ATG10: variants seen among roughly 807,000 people sequenced by gnomAD.
ATG10 encodes ubiquitin-like-conjugating enzyme ATG10.
A neutral mutation model predicts 32.1 loss-of-function variants in ATG10; 30 were observed. That is an observed-to-expected ratio of 0.94 (90% CI 0.70 to 1.27). The LOEUF is 1.27. Ranked by LOEUF, ATG10 falls within the 50% of genes most tolerant of loss-of-function variation. The pLI, the probability that ATG10 is intolerant of heterozygous loss-of-function variation, is 0.00. For synonymous variants in ATG10, 87 were observed against 91.5 expected (o/e 0.95, Z 0.28); for missense variants, 233 against 262.3 (o/e 0.89, Z 0.77).
At chr5:82,210,987 T>C (rs945860943) in intron 5 of ATG10, among the ~76,000 whole-genome samples, 1 of 152,218 alleles carries the variant, frequency 6.6e-6, no homozygotes, top group Non-Finnish European at 1.5e-5. Context: ...TCCATGTAAT[T>C]TGAAATTCTA....
intron 5 of ATG10, among the ~76,000 whole-genome samples, chr5:82,247,122 G>GT (rs1747069757): frequency 6.6e-6 from 1 of 152,006 alleles, no homozygotes; most frequent in African/African-American, 2.4e-5. Context: ...CTAGGTGTGG[G>GT]TTTTTTTATA....
intron 2 of ATG10, among the ~76,000 whole-genome samples, chr5:82,007,851 A>G (rs1431771483): frequency 2.0e-5 from 3 of 152,144 alleles, no homozygotes; most frequent in African/African-American, 7.2e-5. Flanking sequence ...ATTTGTTGGA[A>G]ATAATTATTT....
At chr5:82,099,122 A>G (rs1765172999) in intron 3 of ATG10, among the ~76,000 whole-genome samples, 2 of 152,180 alleles carry the variant, frequency 1.3e-5, no homozygotes, top group African/African-American at 2.4e-5. Flanking sequence ...TTCTCAGATT[A>G]TTCATTGTAA....
intron 5 of ATG10, among the ~76,000 whole-genome samples, chr5:82,179,256 G>A (rs1170828433): frequency 6.6e-6 from 1 of 152,092 alleles, no homozygotes; most frequent in Non-Finnish European, 1.5e-5. Flanking sequence ...TCTGTACTGT[G>A]AGCTCTCATA....
At chr5:82,212,374 C>G (rs1745527890) in intron 5 of ATG10, among the ~76,000 whole-genome samples, 1 of 152,210 alleles carries the variant, frequency 6.6e-6, no homozygotes, top group African/African-American at 2.4e-5. Context: ...TTCTCTCTTG[C>G]ATCATTATGT....
At chr5:82,143,163 C>T (rs566771430) in intron 3 of ATG10, among the ~76,000 whole-genome samples, 18 of 152,244 alleles carry the variant, frequency 1.2e-4, no homozygotes, top group East Asian at 9.6e-4. Flanking sequence ...TGGGAACAAG[C>T]GAGGCCACCT....
intron 5 of ATG10, among the ~76,000 whole-genome samples, chr5:82,237,177 CAAACTTCTCAGTCTT>C (rs1010427336): frequency 6.6e-6 from 1 of 152,088 alleles, no homozygotes; most frequent in African/African-American, 2.4e-5. Context: ...CCAAACTTAC[CAAACTTCTCAGTCTT>C]ACCTAAAAGA....
intron 3 of ATG10, chr5:82,073,752 C>G (rs569750428): frequency 1.3e-5 from 2 of 152,316 alleles, no homozygotes; most frequent in Admixed American, 6.5e-5. Flanking sequence ...ACATCTTTCT[C>G]AACTACAGAC....
At chr5:82,024,208 G>C (rs921612903) in intron 2 of ATG10, among the ~76,000 whole-genome samples, 1 of 152,202 alleles carries the variant, frequency 6.6e-6, no homozygotes, top group Non-Finnish European at 1.5e-5. Flanking sequence ...TGTATCCCAA[G>C]TGGCTCTTTC....
intron 4 of ATG10, among the ~76,000 whole-genome samples, chr5:82,177,142 G>A (rs1232937707): frequency 6.6e-6 from 1 of 152,158 alleles, no homozygotes; most frequent in Non-Finnish European, 1.5e-5. Context: ...CTCTTATTGT[G>A]TGCCTAACAC....
chr5:82,078,229 T>C (rs1248561458), intron 3 of ATG10, among the ~76,000 whole-genome samples: 1 of 152,208 alleles, frequency 6.6e-6, no homozygotes, highest in Non-Finnish European at 1.5e-5. Context: ...TAAAGGCTTT[T>C]AGTACACATT....
chr5:82,036,947 A>G (rs1267550460), intron 2 of ATG10, among the ~76,000 whole-genome samples: 6 of 151,562 alleles, frequency 4.0e-5, no homozygotes, highest in Admixed American at 3.9e-4. Context: ...CCTGGCCAAC[A>G]TGGTGAAACC....
intron 3 of ATG10, among the ~76,000 whole-genome samples, chr5:82,130,034 GC>G (rs1766457675): frequency 6.6e-6 from 1 of 152,160 alleles, no homozygotes; most frequent in Non-Finnish European, 1.5e-5. Context: ...TTTCAGAGAT[GC>G]CCTGCCTAGA....
intron 3 of ATG10, among the ~76,000 whole-genome samples, chr5:82,075,444 T>A (rs1051831668): frequency 3.3e-5 from 5 of 152,174 alleles, no homozygotes; most frequent in Non-Finnish European, 7.3e-5. Context: ...AATTATTTAG[T>A]TTGTATTTAG....
chr5:82,109,511 A>G (rs1290101047), intron 3 of ATG10, among the ~76,000 whole-genome samples: 6 of 151,972 alleles, frequency 3.9e-5, no homozygotes, highest in Non-Finnish European at 7.4e-5. Context: ...CTTATTTTTT[A>G]GTTTCCAAAA....
At chr5:82,194,409 C>T (rs192141642) in intron 5 of ATG10, among the ~76,000 whole-genome samples, 1 of 152,148 alleles carries the variant, frequency 6.6e-6, no homozygotes, top group African/African-American at 2.4e-5. Flanking sequence ...AAGTTAAAGG[C>T]AGGCAGCTGA....
intron 4 of ATG10, among the ~76,000 whole-genome samples, chr5:82,175,586 G>GT (rs1260165587): frequency 2.0e-5 from 3 of 151,540 alleles, no homozygotes; most frequent in Admixed American, 6.6e-5. Flanking sequence ...AGTTATGTGT[G>GT]TTTTTTTTTA....
chr5:82,241,037 G>GA lies in ATG10; in HGVS notation c.454-11520dup, dbSNP rs558176353. On this transcript the variant is annotated intron_variant, in intron 5 of 7. Coordinates refer to ENST00000282185, the MANE Select transcript of ATG10 (RefSeq NM_031482.5). ...AGCCCACATTGATGGCTGAATGAAT[G>GA]AAAAAGATCAATATCCCAAAAGATG... is the stretch of plus-strand genomic sequence containing the variant. Among the ~76,000 whole-genome samples the GA allele has an allele frequency of 1.6e-4, 25 of 152,226 alleles. No individual in the cohort carries two copies. The South Asian group carries it at 4.8e-3, about 29-fold the overall frequency.
chr5:82,132,280 G>A (rs188122146), intron 3 of ATG10, among the ~76,000 whole-genome samples: 63 of 151,392 alleles, frequency 4.2e-4, no homozygotes, highest in Non-Finnish European at 7.8e-4. Context: ...TTTAAGTTCC[G>A]GGATACATGT....
Sources: allele counts gnomAD v4.1 joint callset (sites outside exome capture counted in the v4.1 genomes callset), GRCh38; gene constraint gnomAD v4.1.1; transcripts MANE v1.5; gene names NCBI Gene and HGNC (gene_info 2026-07-23, HGNC 2026-07-21).